The following RBFOX1 variants were observed in gnomAD, a reference collection of about 807,000 sequenced individuals.
RBFOX1 encodes RNA binding fox-1 homolog 1.
RBFOX1 carries 8 observed loss-of-function variants against 57.7 expected under a neutral mutation model. The ratio of observed to expected loss-of-function variants is 0.14; its 90% confidence interval spans 0.08 to 0.25. The LOEUF (loss-of-function observed/expected upper bound fraction) is 0.25, where lower values mean the gene tolerates loss of function less well. Ranked by LOEUF, RBFOX1 falls within the 10% of genes least tolerant of loss-of-function variation. The pLI, the probability that RBFOX1 is intolerant of heterozygous loss-of-function variation, is 1.00. For synonymous variants in RBFOX1, 326 were observed against 222.4 expected, an observed-to-expected ratio of 1.47 and a Z score of -4.15; for missense variants, 611 against 548.5, an observed-to-expected ratio of 1.11 and a Z score of -1.14.
At chr16:7,260,016 G>C (rs1484784809) in intron 4 of RBFOX1, among the ~76,000 whole-genome samples, 2 of 152,112 alleles carry the variant, frequency 1.3e-5, no homozygotes, top group Non-Finnish European at 2.9e-5. Flanking sequence ...TGTGTGGCTT[G>C]TCTTTTGTCA....
chr16:5,980,399 C>T (rs375888282), intron 4 of RBFOX1, among the ~76,000 whole-genome samples: 126 of 152,188 alleles, frequency 8.3e-4, no homozygotes, highest in African/African-American at 2.7e-3. Flanking sequence ...GTGCAGATAG[C>T]GTCAGTGGGA....
At chr16:5,415,933 C>G (rs1476840664) in intron 1 of RBFOX1, among the ~76,000 whole-genome samples, 9 of 152,132 alleles carry the variant, frequency 5.9e-5, no homozygotes, top group Non-Finnish European at 2.9e-5. Flanking sequence ...GCCAAATGTC[C>G]CTCTGCATGT....
At chr16:6,424,605 C>CTGTGTG (rs1228638690) in intron 2 of RBFOX1, among the ~76,000 whole-genome samples, 2 of 14,270 alleles carry the variant, frequency 1.4e-4, no homozygotes, top group Admixed American at 1.7e-3. Flanking sequence ...CTTAAGAGCA[C>CTGTGTG]TGTGTGTGTG....
intron 4 of RBFOX1, among the ~76,000 whole-genome samples, chr16:7,269,960 A>G (rs1280717515): frequency 6.6e-6 from 1 of 152,228 alleles, no homozygotes; most frequent in Admixed American, 6.5e-5. Flanking sequence ...GATAGGTAAA[A>G]ATTGGTATTG....
intron 3 of RBFOX1, among the ~76,000 whole-genome samples, chr16:5,747,740 A>C (rs543535826): frequency 6.6e-6 from 1 of 152,114 alleles, no homozygotes; most frequent in Non-Finnish European, 1.5e-5. Context: ...ATCATTATTT[A>C]TTGTGTCTAT....
At chr16:6,834,475 C>A (rs2092941760) in intron 3 of RBFOX1, among the ~76,000 whole-genome samples, 1 of 151,094 alleles carries the variant, frequency 6.6e-6, no homozygotes, top group Non-Finnish European at 1.5e-5. Context: ...TTGCCTGGTA[C>A]AGAGAAAGTA....
chr16:6,742,184 G>T (rs2072379170), intron 3 of RBFOX1, among the ~76,000 whole-genome samples: 1 of 152,074 alleles, frequency 6.6e-6, no homozygotes, highest in Admixed American at 6.6e-5. Flanking sequence ...GTGACTTGAA[G>T]AAATATTTTA....
At chr16:7,701,422 C>G (rs756021279) in intron 14 of RBFOX1, among the ~76,000 whole-genome samples, 1 of 152,150 alleles carries the variant, frequency 6.6e-6, no homozygotes, top group African/African-American at 2.4e-5. Flanking sequence ...GGAGCACCAA[C>G]CCTACTGTAA....
intron 4 of RBFOX1, among the ~76,000 whole-genome samples, chr16:5,975,904 G>A (rs2060052337): frequency 6.6e-6 from 1 of 152,134 alleles, no homozygotes; most frequent in Non-Finnish European, 1.5e-5. Flanking sequence ...CCAGTACTTT[G>A]GAGCTGAGGC....
At chr16:7,511,253 TG>T (rs1216588419) in intron 4 of RBFOX1, among the ~76,000 whole-genome samples, 1 of 152,224 alleles carries the variant, frequency 6.6e-6, no homozygotes, top group African/African-American at 2.4e-5. Flanking sequence ...CAAAAGGTTT[TG>T]CAAACCCTGA....
At chr16:7,443,617 A>C (rs903371936) in intron 4 of RBFOX1, among the ~76,000 whole-genome samples, 1 of 152,120 alleles carries the variant, frequency 6.6e-6, no homozygotes, top group Non-Finnish European at 1.5e-5. Context: ...ATAGAGTTCA[A>C]TGTAATAATG....
At chr16:6,617,956 C>T (rs1007492021) in intron 2 of RBFOX1, among the ~76,000 whole-genome samples, 2 of 152,144 alleles carry the variant, frequency 1.3e-5, no homozygotes, top group African/African-American at 4.8e-5. Context: ...TTGGTGCATG[C>T]TGGTGTCTTG....
rs191967729 is a variant in RBFOX1, at chr16:6,134,429, T to G, written c.-127+114437T>G. ...GATATCCACTCAACAAATAATCTTG[T>G]GTAAATGAATGTCTTGTTAGGGGTA... On this transcript the variant is annotated intron_variant, in intron 1 of 15. Coordinates refer to ENST00000550418, the MANE Select transcript of RBFOX1 (RefSeq NM_018723.4). 2.0e-5 allele frequency among the ~76,000 whole-genome samples: 3 copies of G among 152,326 alleles called. No individual in the cohort carries two copies. In the East Asian group the frequency reaches 5.8e-4, roughly 29 times the overall value.
chr16:7,236,432 G>C (rs546717988), intron 4 of RBFOX1, among the ~76,000 whole-genome samples: 1 of 152,124 alleles, frequency 6.6e-6, no homozygotes, highest in Non-Finnish European at 1.5e-5. Flanking sequence ...CTGGCCTTCA[G>C]TTCTCCTCTC....
intron 3 of RBFOX1, among the ~76,000 whole-genome samples, chr16:6,894,959 C>G (rs2066401278): frequency 1.3e-5 from 2 of 152,160 alleles, no homozygotes; most frequent in African/African-American, 2.4e-5. Flanking sequence ...GAATTTGCAA[C>G]ATACACCCTT....
Position 6,273,560 on chromosome 16 carries a change from G to T in RBFOX1, c.-126-43435G>T, listed in dbSNP as rs147686555. On this transcript the variant is annotated intron_variant, in intron 1 of 15. Coordinates refer to ENST00000550418, the MANE Select transcript of RBFOX1 (RefSeq NM_018723.4). ...TGGGCTTCTCCATGTTGGTCAGGCT[G>T]GTCTGGAACTTCTGACCTCAGGTGA... Among the ~76,000 whole-genome samples, 164 of 151,810 alleles carry T rather than the reference G, an allele frequency of 1.1e-3. 1 individual carries two copies. Among genetic ancestry groups the T allele is most frequent in the African/African-American group, 3.9e-3 (161 of 41,422 alleles).
chr16:6,164,684 G>A (rs1396720910), intron 1 of RBFOX1, among the ~76,000 whole-genome samples: 3 of 151,846 alleles, frequency 2.0e-5, no homozygotes, highest in Admixed American at 2.0e-4. Flanking sequence ...TTGCTATTTG[G>A]CCGGGCTGGT....
intron 4 of RBFOX1, among the ~76,000 whole-genome samples, chr16:7,385,677 G>T (rs1022256465): frequency 1.3e-5 from 2 of 152,164 alleles, no homozygotes; most frequent in Non-Finnish European, 2.9e-5. Context: ...ACACAGGGAT[G>T]CAACTGGCAG....
At chr16:7,002,250 A>G (rs546182754) in intron 3 of RBFOX1, among the ~76,000 whole-genome samples, 3 of 152,190 alleles carry the variant, frequency 2.0e-5, no homozygotes, top group Non-Finnish European at 2.9e-5. Flanking sequence ...ACAGCGGTGC[A>G]TGAAGTTAAT....
Sources: gnomAD v4.1 joint callset for allele counts (sites outside exome capture counted in the v4.1 genomes callset) on GRCh38, gnomAD v4.1.1 for gene constraint, MANE v1.5 for transcripts, NCBI Gene and HGNC (gene_info 2026-07-23, HGNC 2026-07-21) for gene names.